CA5A: variants seen among roughly 807,000 people sequenced by gnomAD.
The protein encoded by CA5A is carbonic anhydrase 5A.
A neutral mutation model predicts 37.1 loss-of-function variants in CA5A; 28 were observed. The ratio of observed to expected loss-of-function variants is 0.75; its 90% CI spans 0.56 to 1.03. The LOEUF is 1.03. Ranked by LOEUF, CA5A falls within the 50% of genes least tolerant of loss-of-function variation. The pLI is 0.00. For missense variants in CA5A, 444 were observed against 399.9 expected, an observed-to-expected ratio of 1.11 and a Z score of -0.94; for synonymous variants, 171 against 158.4, an observed-to-expected ratio of 1.08 and a Z score of -0.60.
chr16:87,922,717 G>T (rs986898270), intron 2 of CA5A, among the ~76,000 whole-genome samples: 2 of 152,238 alleles, frequency 1.3e-5, no homozygotes, highest in African/African-American at 2.4e-5. Flanking sequence ...CTGTGACCTT[G>T]GCCTCACTCA....
intron 1 of CA5A, among the ~76,000 whole-genome samples, chr16:87,932,952 G>A (rs148105235): frequency 0.024 from 3,627 of 152,252 alleles, 55 homozygotes; most frequent in African/African-American, 0.033. Context: ...TGGAATACAT[G>A]GGCACCGCTG....
chr16:87,885,188 CAA>C (rs1299246563), downstream of CA5A: 12 of 169,818 alleles, frequency 7.1e-5, no homozygotes, highest in Admixed American at 1.2e-4. Flanking sequence ...CAAAACAAAA[CAA>C]AACAACAACA....
chr16:87,897,654 T>G (rs1305047781), intron 5 of CA5A, among the ~76,000 whole-genome samples: 1 of 152,210 alleles, frequency 6.6e-6, no homozygotes, highest in Non-Finnish European at 1.5e-5. Flanking sequence ...GGGTTCTGAC[T>G]GCATGCGGGA....
At chr16:87,888,678 T>C (rs750727597) in intron 6 of CA5A, among the ~76,000 whole-genome samples, 6 of 152,174 alleles carry the variant, frequency 3.9e-5, no homozygotes, top group Non-Finnish European at 5.9e-5. Context: ...GGGCTACAAT[T>C]CATGAAAGAT....
At chr16:87,884,582 A>T (rs1287714207), downstream of CA5A, 2 of 151,960 alleles carry the variant, frequency 1.3e-5, no homozygotes, top group African/African-American at 4.9e-5. Context: ...AAAAAAAAAA[A>T]AATTCGCTGG....
intron 2 of CA5A, among the ~76,000 whole-genome samples, chr16:87,921,604 C>T (rs1378749969): frequency 2.0e-5 from 3 of 152,246 alleles, no homozygotes; most frequent in Admixed American, 2.0e-4. Context: ...CCCAGGTCCC[C>T]ACCCACTCCT....
At chr16:87,912,721 C>T (rs1201865121) in intron 2 of CA5A, among the ~76,000 whole-genome samples, 2 of 152,200 alleles carry the variant, frequency 1.3e-5, no homozygotes, top group Non-Finnish European at 2.9e-5. Context: ...GCTTGGGACG[C>T]CCAGGAGGGC....
chr16:87,913,859 C>T (rs1256654511), intron 2 of CA5A, among the ~76,000 whole-genome samples: 5 of 152,170 alleles, frequency 3.3e-5, no homozygotes, highest in Non-Finnish European at 5.9e-5. Flanking sequence ...TGGGTGCAGC[C>T]GTGTGTAGTG....
chr16:87,883,710 C>T (rs547979326), downstream of CA5A: 1 of 150,808 alleles, frequency 6.6e-6, no homozygotes, highest in African/African-American at 2.4e-5. Context: ...AATCTTGGCT[C>T]ATTGCAACGT....
intron 1 of CA5A, among the ~76,000 whole-genome samples, chr16:87,928,331 C>T: frequency 6.6e-6 from 1 of 152,156 alleles, no homozygotes. Flanking sequence ...GCCTGGCTAA[C>T]TTTTTCATTT....
At chr16:87,887,882 T>C (rs1256022391), downstream of CA5A, 1 of 438,340 alleles carries the variant, frequency 2.3e-6, no homozygotes, top group East Asian at 3.8e-5. Context: ...GGTACTTCGT[T>C]ACAGTGAAAC....
Position 87,911,079 on chromosome 16 carries a change from G to C in CA5A, c.341-6175C>G, listed in dbSNP as rs1318609606. ...TGACTTTTCATAATGACAATACAAT[G>C]TCAGGGTATTCTCCTTAATCAAAAA... is the stretch of plus-strand genomic sequence containing the variant. On this transcript the variant is annotated intron_variant, in intron 2 of 6. Coordinates refer to ENST00000649794, the MANE Select transcript of CA5A (RefSeq NM_001739.2). This position sits in a 1 kb window ranked among gnomAD's most constrained non-coding sequence, Gnocchi z 4.6. Among the ~76,000 whole-genome samples, 1 of 139,722 alleles carries C rather than the reference G, an allele frequency of 7.2e-6. No homozygotes were observed. The highest frequency in any genetic ancestry group is 2.3e-4 in the South Asian group (1 of 4,360). The allele number at this position is 139,722 out of a possible 152,430, so 91.7% of individuals were successfully genotyped here.
Position 87,923,922 on chromosome 16 carries a change from T to C in CA5A, c.340+2826A>G, listed in dbSNP as rs540844537. Reference sequence around the variant, plus strand: ...CAATTAAAAGTTCAGGAACTATTTTTGGTTTTTCAATATTTTGAAGTGGCT... The same window carrying C: ...CAATTAAAAGTTCAGGAACTATTTTCGGTTTTTCAATATTTTGAAGTGGCT... On this transcript the variant is annotated intron_variant, in intron 2 of 6. Coordinates refer to ENST00000649794, the MANE Select transcript of CA5A (RefSeq NM_001739.2). The C allele has an allele frequency of 1.5e-5, 15 of 985,132 alleles. No individual in the cohort carries two copies. The African/African-American group carries it at 2.6e-4, about 17-fold the overall frequency. The allele number at this position is 985,132 out of a possible 1,614,324, so 61.0% of individuals were successfully genotyped here. A position where few individuals can be genotyped will look rare whatever the true frequency, so the allele number is the denominator to read the frequency against.
chr16:87,910,639 G>C (rs188159544), intron 2 of CA5A, among the ~76,000 whole-genome samples: 1 of 152,094 alleles, frequency 6.6e-6, no homozygotes, highest in African/African-American at 2.4e-5. Flanking sequence ...GCGCGGTGGG[G>C]TGCTCTCGGC....
Position 87,904,858 on chromosome 16 carries a change from A to C in CA5A, c.387T>G (p.Phe129Leu), listed in dbSNP as rs749994565. 2 of 1,613,540 alleles carry C rather than the reference A, an allele frequency of 1.2e-6. No individual in the cohort carries two copies. Among genetic ancestry groups the C allele is most frequent in the Admixed American group, 3.3e-5 (2 of 60,008 alleles). ...PLENHYRLKQFHFHWGAVNEG... is the reference protein window; with the variant it reads ...PLENHYRLKQLHFHWGAVNEG... Reference sequence around the variant, plus strand: ...CGTTCACTGCTCCCCAGTGGAAGTGAAATTGCTTCAGTCTGTAGTGGTTTT... The same window carrying C: ...CGTTCACTGCTCCCCAGTGGAAGTGCAATTGCTTCAGTCTGTAGTGGTTTT... Residue 129 changes from phenylalanine (F) to leucine (L), a missense_variant, in exon 3 of 7, where the codon TTT (phenylalanine) becomes TTG (leucine). Phe to Leu is a conservative substitution (Grantham distance 22). Coordinates refer to ENST00000649794, the MANE Select transcript of CA5A (RefSeq NM_001739.2).
At chr16:87,928,994 C>T (rs556193429) in intron 1 of CA5A, among the ~76,000 whole-genome samples, 8 of 150,136 alleles carry the variant, frequency 5.3e-5, no homozygotes, top group Admixed American at 5.3e-4. Flanking sequence ...TGGTCTCCAT[C>T]TCCTGACCTT....
In CA5A at chr16:87,888,077, A is replaced by G. The variant is rs2055663139; in HGVS notation, c.*52T>C. On this transcript the variant is annotated 3_prime_UTR_variant, in exon 7 of 7. Transcript: ENST00000649794. Reference sequence around the variant, plus strand: ...AATCACATTGTGAAACTTGGGAAACAACGCTTCCTTCCTTCAAAGTCAGTT... The same window carrying G: ...AATCACATTGTGAAACTTGGGAAACGACGCTTCCTTCCTTCAAAGTCAGTT... 6.5e-7 allele frequency: 1 copy of G among 1,533,100 alleles called. No homozygotes were observed. Among genetic ancestry groups the G allele is most frequent in the African/African-American group, 1.4e-5 (1 of 72,334 alleles). The allele number at this position is 1,533,100 out of a possible 1,614,324, so 95.0% of individuals were successfully genotyped here. A position where few individuals can be genotyped will look rare whatever the true frequency, so the allele number is the denominator to read the frequency against.
Position 87,911,951 on chromosome 16 carries a change from C to G in CA5A, c.341-7047G>C, listed in dbSNP as rs990067577. On this transcript the variant is annotated intron_variant, in intron 2 of 6. Transcript: ENST00000649794. This position sits in a 1 kb window ranked among gnomAD's most constrained non-coding sequence, Gnocchi z 4.6. The stretch of plus-strand genomic sequence containing the variant: ...CACAGTCCCTGGCACGCAGTGAGAG[C>G]TCAAATAATGGTAGCCACTTACTAT... Among the ~76,000 whole-genome samples, 1 of 152,206 alleles carries G rather than the reference C, an allele frequency of 6.6e-6. No homozygotes were observed. Among genetic ancestry groups the G allele is most frequent in the Admixed American group, 6.5e-5 (1 of 15,272 alleles).
At chr16:87,926,603 C>T (rs371821508) in intron 2 of CA5A, 145 bp downstream of exon 2, 65 of 651,194 alleles carry the variant, frequency 1.0e-4, no homozygotes, top group East Asian at 5.6e-4. Context: ...GGTGTGTCCT[C>T]CCTCAAGCGA....
Sources: gnomAD v4.1 joint callset for allele counts (sites outside exome capture counted in the v4.1 genomes callset) on GRCh38, gnomAD v4.1.1 for gene constraint, Gnocchi (gnomAD v3.1) non-coding constraint, MANE v1.5 for transcripts, NCBI Gene and HGNC (gene_info 2026-07-23, HGNC 2026-07-21) for gene names.